ZC3H3: variants seen among roughly 807,000 people sequenced by gnomAD.
The protein encoded by ZC3H3 is zinc finger CCCH-type containing 3.
ZC3H3 carries 36 observed loss-of-function variants against 77.3 expected under a neutral mutation model. The ratio of observed to expected loss-of-function variants is 0.47; its 90% confidence interval spans 0.36 to 0.61. The LOEUF (loss-of-function observed/expected upper bound fraction) is 0.61. Among genes scored for constraint, ZC3H3 ranks in the 20% least tolerant of loss-of-function variants. The pLI, the probability that ZC3H3 is intolerant of heterozygous loss-of-function variation, is 0.00. For synonymous variants in ZC3H3, 626 were observed against 555.2 expected (o/e 1.13, Z -1.79); for missense variants, 1,331 against 1,312.2 (o/e 1.01, Z -0.22).
At chr8:143,514,928 C>T (rs572402567) in intron 3 of ZC3H3, among the ~76,000 whole-genome samples, 2 of 152,378 alleles carry the variant, frequency 1.3e-5, no homozygotes, top group South Asian at 2.1e-4. Context: ...TAGGCCCGGC[C>T]GCCGCATCTG....
chr8:143,513,860 G>A (rs1321515427), intron 3 of ZC3H3, among the ~76,000 whole-genome samples: 1 of 152,214 alleles, frequency 6.6e-6, no homozygotes, highest in Admixed American at 6.5e-5. Context: ...CCTTTGCTGA[G>A]GCTGGTGGGG....
intron 3 of ZC3H3, among the ~76,000 whole-genome samples, chr8:143,531,065 T>C (rs1822590317): frequency 6.8e-6 from 1 of 146,028 alleles, no homozygotes; most frequent in South Asian, 2.3e-4. Context: ...ACCTAAGCAA[T>C]CCTCTCACCC....
At chr8:143,483,339 T>G (rs1029079614) in intron 4 of ZC3H3, among the ~76,000 whole-genome samples, 12 of 152,270 alleles carry the variant, frequency 7.9e-5, no homozygotes, top group African/African-American at 2.4e-4. Flanking sequence ...TCCCTCCCGG[T>G]TTCTCCTGGT....
chr8:143,507,692 G>A, intron 4 of ZC3H3, 54 bp downstream of exon 4: 1 of 1,478,088 alleles, frequency 6.8e-7, no homozygotes. Flanking sequence ...CCTCAGGGCA[G>A]GGCCAGACAG....
At chr8:143,503,782 A>ACCCAG (rs1821605650) in intron 4 of ZC3H3, among the ~76,000 whole-genome samples, 1 of 146,628 alleles carries the variant, frequency 6.8e-6, no homozygotes, top group Non-Finnish European at 1.5e-5. Flanking sequence ...CCATCTCCCG[A>ACCCAG]CCACCTACCT....
chr8:143,470,814 C>G (rs1820542505), intron 5 of ZC3H3, among the ~76,000 whole-genome samples: 1 of 152,234 alleles, frequency 6.6e-6, no homozygotes, highest in Admixed American at 6.5e-5. Flanking sequence ...CATAAAATAG[C>G]TGGCTGGAAA....
chr8:143,540,748 G>A (rs1822984022), intron 1 of ZC3H3, among the ~76,000 whole-genome samples: 1 of 151,900 alleles, frequency 6.6e-6, no homozygotes, highest in Non-Finnish European at 1.5e-5. Context: ...CTGAGGTCGG[G>A]AGTTAGAGAC....
At chr8:143,470,770 C>T (rs573201084) in intron 5 of ZC3H3, among the ~76,000 whole-genome samples, 6 of 152,214 alleles carry the variant, frequency 3.9e-5, no homozygotes, top group African/African-American at 1.4e-4. Context: ...ACAGGAGGCA[C>T]TTTTTCAAAT....
chr8:143,457,304 A>G (rs920125578), intron 9 of ZC3H3, among the ~76,000 whole-genome samples: 2 of 152,220 alleles, frequency 1.3e-5, no homozygotes, highest in Non-Finnish European at 2.9e-5. Flanking sequence ...AAACACTTGG[A>G]AACTAAATAA....
chr8:143,516,805 T>G (rs2130450975), intron 3 of ZC3H3, among the ~76,000 whole-genome samples: 1 of 152,326 alleles, frequency 6.6e-6, no homozygotes, highest in East Asian at 1.9e-4. Flanking sequence ...CGCAGCCCCG[T>G]GGGATCCGGG....
chr8:143,538,502 G>A lies in ZC3H3; in HGVS notation c.865C>T (p.Pro289Ser). Residue 289 changes from proline to serine, a missense_variant, in exon 2 of 12, where the codon CCC becomes TCC. Physicochemically the swap from Pro to Ser is moderately conservative, Grantham distance 74. This residue lies in a region of ZC3H3 where 978 missense variants were observed against 915.5 expected (regional missense o/e 1.07). Transcript: ENST00000262577. ...AGCGAGGCCTCCCGGGCCTGCCTGG[G>A]TCCTGAGGCCGGTCTGGCGGGGCCC... is the stretch of plus-strand genomic sequence containing the variant. ...VGGPARPASG[P>S]RQAREASLVV... is the part of the protein sequence containing the mutation. The A allele has an allele frequency of 6.2e-7, 1 of 1,612,758 alleles. No individual in the cohort carries two copies.
chr8:143,465,858 G>A lies in ZC3H3; in HGVS notation c.2176-10C>T, dbSNP rs1820394525. ...AGGAGCACACCGGCATCTGCAGGGAGGGCCGGCAGTGAGGGCCAGCAGGCA... is the reference window on the plus strand; with the variant it reads ...AGGAGCACACCGGCATCTGCAGGGAAGGCCGGCAGTGAGGGCCAGCAGGCA... On this transcript the variant is annotated splice_polypyrimidine_tract_variant and intron_variant, in intron 8 of 11. Coordinates refer to ENST00000262577, the MANE Select transcript of ZC3H3 (RefSeq NM_015117.3). The A allele has an allele frequency of 6.2e-7, 1 of 1,607,648 alleles. No homozygotes were observed. The highest frequency in any genetic ancestry group is 8.5e-7 in the Non-Finnish European group (1 of 1,179,378).
chr8:143,528,333 G>A (rs1008338175), intron 3 of ZC3H3, among the ~76,000 whole-genome samples: 3 of 152,220 alleles, frequency 2.0e-5, no homozygotes, highest in African/African-American at 4.8e-5. Context: ...CTGCCGAGGC[G>A]CTGTGGGGCC....
rs757599064 is a variant in ZC3H3, at chr8:143,465,753, G to A, written c.2271C>T (p.Ser757=). The change falls in exon 9 of 12, where the codon AGC becomes AGT. Residue 757 remains serine, a synonymous_variant. Coordinates refer to ENST00000262577, the MANE Select transcript of ZC3H3 (RefSeq NM_015117.3). Reference sequence around the variant, plus strand: ...GGGGGCAGTAGCCTTTGAGGAAGTCGCTGCAGACCTCGGCCTTGCGGGACA... The same window carrying A: ...GGGGGCAGTAGCCTTTGAGGAAGTCACTGCAGACCTCGGCCTTGCGGGACA... ...VYVSRKAEVC[S]DFLKGYCPLG... 22 of 1,613,824 alleles carry A rather than the reference G, an allele frequency of 1.4e-5. No individual in the cohort carries two copies. Among genetic ancestry groups the A allele is most frequent in the Middle Eastern group, 3.3e-4 (2 of 6,084 alleles).
chr8:143,468,769 G>C, intron 5 of ZC3H3, 110 bp from the exon 6 acceptor site: 2 of 1,375,422 alleles, frequency 1.5e-6, no homozygotes, highest in Middle Eastern at 2.6e-4. Flanking sequence ...CTCAGCTCAG[G>C]CACAGCCTCC....
intron 3 of ZC3H3, among the ~76,000 whole-genome samples, chr8:143,531,298 A>T (rs1210284259): frequency 6.6e-6 from 1 of 152,082 alleles, no homozygotes; most frequent in Non-Finnish European, 1.5e-5. Flanking sequence ...CAACAGACCC[A>T]TCCCCAGGAG....
At chr8:143,491,917 G>A (rs1408425230) in intron 4 of ZC3H3, among the ~76,000 whole-genome samples, 5 of 152,176 alleles carry the variant, frequency 3.3e-5, no homozygotes, top group Non-Finnish European at 4.4e-5. Flanking sequence ...TCTTTGCTAG[G>A]AAGCCCTCAG....
At chr8:143,528,630 G>A (rs761383413) in intron 3 of ZC3H3, among the ~76,000 whole-genome samples, 6 of 152,320 alleles carry the variant, frequency 3.9e-5, no homozygotes, top group East Asian at 1.9e-4. Flanking sequence ...GACCTCCACC[G>A]GCCTGCACAT....
intron 4 of ZC3H3, among the ~76,000 whole-genome samples, chr8:143,490,211 CCGGGGCCTGGACCCTG>C (rs1228722781): frequency 6.6e-6 from 1 of 152,200 alleles, no homozygotes; most frequent in Non-Finnish European, 1.5e-5. Context: ...GGGAGGCCCC[CCGGGGCCTGGACCCTG>C]CAGGAGTCTC....
Sources: gnomAD v4.1 joint callset for allele counts (sites outside exome capture counted in the v4.1 genomes callset) on GRCh38, gnomAD v4.1.1 for gene constraint, gnomAD v4.1.1 regional missense constraint, MANE v1.5 for transcripts, NCBI Gene and HGNC (gene_info 2026-07-23, HGNC 2026-07-21) for gene names.